Variants in ANKRD31 observed in about 807,000 individuals in gnomAD.
ANKRD31 encodes the protein ankyrin repeat domain-containing protein 31.
ANKRD31 carries 147 observed loss-of-function variants against 186.0 expected under a neutral mutation model. The ratio of observed to expected loss-of-function variants is 0.79; its 90% CI spans 0.69 to 0.91. ANKRD31 has a LOEUF of 0.91. Among genes scored for constraint, ANKRD31 ranks in the 40% least tolerant of loss-of-function variants. The probability of loss-of-function intolerance (pLI) is 0.00; values close to 1 mark genes in which losing one functional copy is unlikely to be tolerated. For missense variants in ANKRD31, 1,986 were observed against 2,148.8 expected (o/e 0.92, Z 1.50); for synonymous variants, 673 against 736.4 (o/e 0.91, Z 1.39).
At chr5:75,199,078 T>C (rs553997371) in intron 6 of ANKRD31, among the ~76,000 whole-genome samples, 2 of 152,254 alleles carry the variant, frequency 1.3e-5, no homozygotes, top group East Asian at 3.9e-4. Flanking sequence ...TGTGGCAGTA[T>C]GGGCCTACAG....
chr5:75,110,093 G>T (rs974339151), intron 20 of ANKRD31, among the ~76,000 whole-genome samples: 8 of 152,004 alleles, frequency 5.3e-5, no homozygotes, highest in Admixed American at 4.6e-4. Context: ...CAAAAATAAA[G>T]GCATCAAGAT....
intron 24 of ANKRD31, among the ~76,000 whole-genome samples, chr5:75,081,408 CTG>C (rs900813641): frequency 7.9e-5 from 12 of 151,898 alleles, no homozygotes; most frequent in Non-Finnish European, 4.4e-5. Context: ...TAACAGGAAA[CTG>C]TTTATATTAC....
chr5:75,095,037 T>C (rs1411522656), intron 22 of ANKRD31, among the ~76,000 whole-genome samples: 1 of 152,074 alleles, frequency 6.6e-6, no homozygotes, highest in African/African-American at 2.4e-5. Context: ...TGAAAATACA[T>C]GAAATAAAAA....
intron 10 of ANKRD31, among the ~76,000 whole-genome samples, chr5:75,185,552 A>G (rs569695022): frequency 6.6e-6 from 1 of 152,188 alleles, no homozygotes; most frequent in African/African-American, 2.4e-5. Flanking sequence ...GTGAGATTCC[A>G]TCTCACACAC....
chr5:75,115,477 C>A (rs1322714264), intron 19 of ANKRD31, among the ~76,000 whole-genome samples: 2 of 151,356 alleles, frequency 1.3e-5, no homozygotes, highest in Non-Finnish European at 3.0e-5. Context: ...AGGCAACCTA[C>A]AAAATGGGAG....
chr5:75,174,905 T>C (rs1753664433), intron 10 of ANKRD31, among the ~76,000 whole-genome samples: 1 of 152,228 alleles, frequency 6.6e-6, no homozygotes, highest in African/African-American at 2.4e-5. Flanking sequence ...TTGTAAATCA[T>C]GCTACTATAA....
intron 17 of ANKRD31, among the ~76,000 whole-genome samples, chr5:75,122,294 C>CA (rs55978112): frequency 1.2e-4 from 18 of 148,156 alleles, no homozygotes; most frequent in Non-Finnish European, 2.3e-4. Flanking sequence ...ATCCTCCCAA[C>CA]AAAAAAAAAA....
chr5:75,177,330 C>A (rs914939274), intron 10 of ANKRD31, among the ~76,000 whole-genome samples: 9 of 152,180 alleles, frequency 5.9e-5, no homozygotes, highest in African/African-American at 2.2e-4. Flanking sequence ...TCCAGGAGAA[C>A]TTCCCCAATC....
chr5:75,200,311 T>C (rs935356972), intron 5 of ANKRD31, among the ~76,000 whole-genome samples: 45 of 151,434 alleles, frequency 3.0e-4, no homozygotes, highest in Non-Finnish European at 5.3e-4. Context: ...TTTTTTTTTT[T>C]CTTTTGAGAT....
At chr5:75,160,641 C>T (rs566165752) in intron 11 of ANKRD31, among the ~76,000 whole-genome samples, 4 of 152,184 alleles carry the variant, frequency 2.6e-5, no homozygotes, top group African/African-American at 9.6e-5. Flanking sequence ...AAAGACATAC[C>T]ATGCAAATGG....
intron 5 of ANKRD31, 22 bp from the exon 6 acceptor site, chr5:75,199,696 T>G: frequency 1.3e-6 from 2 of 1,528,600 alleles, no homozygotes; most frequent in Non-Finnish European, 1.8e-6. Flanking sequence ...CAATGTGTTT[T>G]CATTCCAGTT....
chr5:75,236,123 G>A (rs1010834970), intron 1 of ANKRD31, among the ~76,000 whole-genome samples: 2 of 152,108 alleles, frequency 1.3e-5, no homozygotes, highest in African/African-American at 4.8e-5. Context: ...TTTTGGATTC[G>A]TATAAAACTA....
At chr5:75,123,854 C>G (rs1748988970) in intron 17 of ANKRD31, among the ~76,000 whole-genome samples, 2 of 151,996 alleles carry the variant, frequency 1.3e-5, no homozygotes, top group Non-Finnish European at 2.9e-5. Flanking sequence ...AGGGAAAACT[C>G]TTCTTGACAT....
intron 23 of ANKRD31, among the ~76,000 whole-genome samples, chr5:75,090,278 T>A (rs1001915364): frequency 5.9e-5 from 9 of 152,104 alleles, no homozygotes; most frequent in Non-Finnish European, 1.3e-4. Context: ...TGGGAAAAAG[T>A]CAGACAGACC....
chr5:75,211,451 T>C (rs1028972843), intron 3 of ANKRD31, among the ~76,000 whole-genome samples: 1 of 152,220 alleles, frequency 6.6e-6, no homozygotes, highest in Non-Finnish European at 1.5e-5. Context: ...CATGAACATG[T>C]GTGTACAAAT....
At chr5:75,230,445 G>A in intron 2 of ANKRD31, 117 bp downstream of exon 2, 3 of 689,628 alleles carry the variant, frequency 4.4e-6, no homozygotes, top group Non-Finnish European at 6.9e-6. Flanking sequence ...TGGTAAAATT[G>A]GTTTCCTTAT....
At chr5:75,140,508 C>CT (rs927525807) in intron 15 of ANKRD31, among the ~76,000 whole-genome samples, 1 of 152,156 alleles carries the variant, frequency 6.6e-6, no homozygotes, top group African/African-American at 2.4e-5. Context: ...GGAGGACAGA[C>CT]TAAAATGGCT....
At chr5:75,108,032 T>A (rs7735057) in intron 20 of ANKRD31, among the ~76,000 whole-genome samples, 77,105 of 151,788 alleles carry the variant, frequency 0.51, 22,648 homozygotes, top group African/African-American at 0.82. Context: ...AATATTTACA[T>A]AGATGAAAAG....
chr5:75,091,186 A>T, intron 23 of ANKRD31, 75 bp downstream of exon 23: 1 of 1,454,260 alleles, frequency 6.9e-7, no homozygotes, highest in Non-Finnish European at 9.1e-7. Flanking sequence ...ATTTCCTTAA[A>T]AAATACTTTC....
Sources: gnomAD v4.1 joint callset for allele counts (sites outside exome capture counted in the v4.1 genomes callset) on GRCh38, gnomAD v4.1.1 for gene constraint, MANE v1.5 for transcripts, NCBI Gene and HGNC (gene_info 2026-07-23, HGNC 2026-07-21) for gene names.